Variants in DLG2 observed in about 807,000 individuals in gnomAD.
DLG2 encodes disks large homolog 2.
Under a neutral mutation model 132.5 loss-of-function variants are expected in DLG2, and 45 were observed. That is an observed-to-expected ratio of 0.34 (90% CI 0.27 to 0.44). The LOEUF (loss-of-function observed/expected upper bound fraction) is 0.44. Among genes scored for constraint, DLG2 ranks in the 20% least tolerant of loss-of-function variants. DLG2 has a pLI of 1.00. For missense variants in DLG2, 1,045 were observed against 1,196.9 expected (o/e 0.87, Z 1.87); for synonymous variants, 424 against 419.6 (o/e 1.01, Z -0.13).
intron 6 of DLG2, among the ~76,000 whole-genome samples, chr11:84,750,626 G>A (rs551200446): frequency 2.0e-5 from 3 of 151,916 alleles, no homozygotes; most frequent in Non-Finnish European, 4.4e-5. Flanking sequence ...AATTAACTCT[G>A]CTGAGAGAGT....
chr11:84,561,478 A>G (rs921006607), intron 6 of DLG2, among the ~76,000 whole-genome samples: 1 of 152,154 alleles, frequency 6.6e-6, no homozygotes, highest in African/African-American at 2.4e-5. Flanking sequence ...CTCTTGCTTT[A>G]AACTCTAATA....
intron 10 of DLG2, among the ~76,000 whole-genome samples, chr11:84,073,053 A>G (rs1293559799): frequency 2.0e-5 from 3 of 152,232 alleles, no homozygotes; most frequent in Non-Finnish European, 4.4e-5. Context: ...GACTTGAGGG[A>G]TAAAATCATT....
Position 84,301,990 on chromosome 11 carries a change from C to T in DLG2, c.520-50699G>A, listed in dbSNP as rs139067619. Among the ~76,000 whole-genome samples, 7 of 152,242 alleles carry T rather than the reference C, an allele frequency of 4.6e-5. No homozygotes were observed. The East Asian group carries it at 5.8e-4, about 13-fold the overall frequency. On this transcript the variant is annotated intron_variant, in intron 7 of 27. Transcript: ENST00000376104. Reference sequence around the variant, plus strand: ...TAGACTGGATAAAGAAAATGTGACACGCATACACCAGGGAATACTATGCAG... The same window carrying T: ...TAGACTGGATAAAGAAAATGTGACATGCATACACCAGGGAATACTATGCAG...
intron 19 of DLG2, among the ~76,000 whole-genome samples, chr11:83,587,960 A>T (rs1373470547): frequency 6.6e-6 from 1 of 152,194 alleles, no homozygotes; most frequent in Non-Finnish European, 1.5e-5. Context: ...GCACCACGAG[A>T]TTATATCCCG....
chr11:84,324,259 C>G (rs760432837), intron 7 of DLG2, among the ~76,000 whole-genome samples: 3 of 152,004 alleles, frequency 2.0e-5, no homozygotes, highest in Middle Eastern at 3.4e-3. Context: ...TAATTTAATT[C>G]TTTTGCATAT....
chr11:84,841,027 A>G (rs114047478), intron 6 of DLG2, among the ~76,000 whole-genome samples: 1,752 of 151,600 alleles, frequency 0.012, 39 homozygotes, highest in African/African-American at 0.04. Context: ...AAATGGAAAC[A>G]GTAAGTAGGG....
At chr11:84,077,308 G>T (rs1395633143) in intron 10 of DLG2, among the ~76,000 whole-genome samples, 3 of 152,072 alleles carry the variant, frequency 2.0e-5, no homozygotes, top group Non-Finnish European at 2.9e-5. Flanking sequence ...AAGAGAAATG[G>T]TCCTACTAAA....
chr11:83,867,881 C>T (rs559310289), intron 16 of DLG2, among the ~76,000 whole-genome samples: 32 of 152,078 alleles, frequency 2.1e-4, no homozygotes, highest in South Asian at 4.2e-4. Flanking sequence ...TGTGATGACA[C>T]CTTTTATATT....
intron 6 of DLG2, among the ~76,000 whole-genome samples, chr11:84,599,959 C>G (rs1312390301): frequency 6.7e-6 from 1 of 149,916 alleles, no homozygotes; most frequent in Non-Finnish European, 1.5e-5. Context: ...CTGAGCCCTG[C>G]GAGGCTGAGG....
intron 11 of DLG2, among the ~76,000 whole-genome samples, chr11:84,016,746 A>C (rs748078534): frequency 6.6e-6 from 1 of 152,098 alleles, no homozygotes; most frequent in Non-Finnish European, 1.5e-5. Flanking sequence ...AGATAGGTAC[A>C]ATTATTATTC....
At chr11:85,078,681 G>A (rs1593766638) in intron 6 of DLG2, among the ~76,000 whole-genome samples, 1 of 151,928 alleles carries the variant, frequency 6.6e-6, no homozygotes, top group East Asian at 2.0e-4. Context: ...AGAAGAAACA[G>A]GAGAGAGAGG....
At chr11:83,976,032 T>G (rs577192960) in intron 12 of DLG2, among the ~76,000 whole-genome samples, 2 of 151,952 alleles carry the variant, frequency 1.3e-5, no homozygotes, top group Admixed American at 1.3e-4. Flanking sequence ...TTAAGATACA[T>G]ACGTTAAATT....
At chr11:83,822,886 G>T (rs757487694) in intron 17 of DLG2, among the ~76,000 whole-genome samples, 5 of 152,082 alleles carry the variant, frequency 3.3e-5, no homozygotes, top group Non-Finnish European at 7.4e-5. Context: ...AGTAGTTAGC[G>T]TTAGAGGTAA....
chr11:85,532,869 C>T (rs1344552288), intron 3 of DLG2, among the ~76,000 whole-genome samples: 1 of 152,096 alleles, frequency 6.6e-6, no homozygotes, highest in African/African-American at 2.4e-5. Flanking sequence ...TGTCCCACAC[C>T]TGTTCCTTAT....
intron 18 of DLG2, among the ~76,000 whole-genome samples, chr11:83,705,534 ATC>A (rs2153652265): frequency 6.6e-6 from 1 of 152,278 alleles, no homozygotes; most frequent in South Asian, 2.1e-4. Context: ...CATTATGAAG[ATC>A]TGTTATTGTG....
chr11:84,388,823 T>C (rs544455107), intron 7 of DLG2, among the ~76,000 whole-genome samples: 2 of 152,224 alleles, frequency 1.3e-5, no homozygotes, highest in South Asian at 4.1e-4. Context: ...TTTATAATCA[T>C]AAAAAATCAT....
chr11:84,667,107 T>C (rs192889136), intron 6 of DLG2, among the ~76,000 whole-genome samples: 107 of 152,316 alleles, frequency 7.0e-4, no homozygotes, highest in Middle Eastern at 3.4e-3. Context: ...TTATTATTAT[T>C]CTTAATACTG....
chr11:85,381,714 G>A lies in DLG2; in HGVS notation c.41-96349C>T, dbSNP rs2085906171. The stretch of plus-strand genomic sequence containing the variant: ...TAATTGTATTTTATATACTAGCAAT[G>A]AACAGTCCAAAAATAAAATTTAGAA... On this transcript the variant is annotated intron_variant, in intron 3 of 27. Coordinates refer to ENST00000376104, the MANE Select transcript of DLG2 (RefSeq NM_001142699.3). 3.3e-5 allele frequency among the ~76,000 whole-genome samples: 5 copies of A among 151,986 alleles called. No homozygotes were observed. The South Asian group carries it at 1.0e-3, about 32-fold the overall frequency.
intron 6 of DLG2, among the ~76,000 whole-genome samples, chr11:84,887,993 C>T (rs1330186546): frequency 6.6e-6 from 1 of 152,080 alleles, no homozygotes; most frequent in East Asian, 1.9e-4. Context: ...GAAGAAGTTT[C>T]TCAGAAATAA....
Sources: gnomAD v4.1 joint callset for allele counts (sites outside exome capture counted in the v4.1 genomes callset) on GRCh38, gnomAD v4.1.1 for gene constraint, MANE v1.5 for transcripts, NCBI Gene and HGNC (gene_info 2026-07-23, HGNC 2026-07-21) for gene names.